PRKN: variants seen among roughly 807,000 people sequenced by gnomAD.
The protein encoded by PRKN is E3 ubiquitin-protein ligase parkin.
In PRKN, 56 loss-of-function variants were observed where a neutral mutation model predicts 59.5. The observed-to-expected ratio is 0.94, with a 90% CI of 0.76 to 1.18. The LOEUF is 1.18. Ranked by LOEUF, PRKN falls within the 50% of genes most tolerant of loss-of-function variation. The pLI, the probability that PRKN is intolerant of heterozygous loss-of-function variation, is 0.00. For missense variants in PRKN, 657 were observed against 596.4 expected (o/e 1.10, Z -1.06); for synonymous variants, 250 against 222.1 (o/e 1.13, Z -1.12).
intron 7 of PRKN, among the ~76,000 whole-genome samples, chr6:161,655,961 G>T (rs9458329): frequency 0.026 from 3,900 of 149,642 alleles, 194 homozygotes; most frequent in African/African-American, 0.092. Flanking sequence ...TGATTCACGT[G>T]TATGGTATAA....
chr6:162,509,375 A>G (rs879538958), intron 1 of PRKN, among the ~76,000 whole-genome samples: 2 of 152,226 alleles, frequency 1.3e-5, no homozygotes, highest in Non-Finnish European at 2.9e-5. Context: ...GCAATCCAGT[A>G]TATATGACCA....
At chr6:162,712,067 C>G (rs1476642013) in intron 1 of PRKN, among the ~76,000 whole-genome samples, 1 of 152,162 alleles carries the variant, frequency 6.6e-6, no homozygotes, top group South Asian at 2.1e-4. Context: ...TGGTATGAGA[C>G]AAGTTGACTA....
rs532872097 is a variant in PRKN at position 162,217,838 on chromosome 6, A to C, written c.413-16586T>G. Among the ~76,000 whole-genome samples, 279 of 152,310 alleles carry C rather than the reference A, an allele frequency of 1.8e-3. 1 individual carries two copies. Among genetic ancestry groups the C allele is most frequent in the Non-Finnish European group, 2.6e-3 (179 of 68,022 alleles). ...TCCAGCTTGGGGTTGTCTCTCAATAAGTAAGCAATATTCACCTTTCTTCCC... is the reference window on the plus strand; with the variant it reads ...TCCAGCTTGGGGTTGTCTCTCAATACGTAAGCAATATTCACCTTTCTTCCC... On this transcript the variant is annotated intron_variant, in intron 3 of 11. Coordinates refer to ENST00000366898, the MANE Select transcript of PRKN (RefSeq NM_004562.3).
intron 4 of PRKN, among the ~76,000 whole-genome samples, chr6:162,179,596 T>A (rs1189450532): frequency 1.3e-5 from 2 of 151,822 alleles, no homozygotes; most frequent in Non-Finnish European, 2.9e-5. Context: ...GGAAAAGGTC[T>A]AAAAGTCTGT....
chr6:162,619,488 A>G (rs1159815502), intron 1 of PRKN, among the ~76,000 whole-genome samples: 3 of 152,124 alleles, frequency 2.0e-5, no homozygotes, highest in African/African-American at 7.2e-5. Context: ...GCTGGTTTAA[A>G]TGGAAAATAT....
At chr6:162,019,399 C>G (rs1417923866) in intron 5 of PRKN, among the ~76,000 whole-genome samples, 1 of 152,152 alleles carries the variant, frequency 6.6e-6, no homozygotes, top group African/African-American at 2.4e-5. Context: ...TGAAGTGTTT[C>G]CAACTCTGGC....
chr6:162,130,106 A>C (rs1781287943), intron 4 of PRKN, among the ~76,000 whole-genome samples: 1 of 152,102 alleles, frequency 6.6e-6, no homozygotes, highest in South Asian at 2.1e-4. Context: ...TACCAAACGA[A>C]GAATGATCTT....
At chr6:161,676,077 C>G (rs1399202188) in intron 7 of PRKN, among the ~76,000 whole-genome samples, 1 of 152,184 alleles carries the variant, frequency 6.6e-6, no homozygotes. Flanking sequence ...GACTACGATT[C>G]CTAAACAATT....
intron 5 of PRKN, among the ~76,000 whole-genome samples, chr6:162,007,055 G>T (rs80224321): frequency 6.6e-6 from 1 of 151,934 alleles, no homozygotes; most frequent in African/African-American, 2.4e-5. Flanking sequence ...TATACTATCA[G>T]CCAATATCCA....
intron 1 of PRKN, among the ~76,000 whole-genome samples, chr6:162,707,627 T>C (rs1391331116): frequency 6.6e-6 from 1 of 151,610 alleles, no homozygotes; most frequent in Non-Finnish European, 1.5e-5. Context: ...CAGGCTGCAG[T>C]GCAGTGGCAC....
intron 9 of PRKN, among the ~76,000 whole-genome samples, chr6:161,436,874 G>A (rs1402084656): frequency 1.3e-5 from 2 of 151,912 alleles, no homozygotes; most frequent in Non-Finnish European, 2.9e-5. Flanking sequence ...ATTCACTTAG[G>A]GAGACCGGTC....
chr6:161,908,114 A>C (rs985103512), intron 6 of PRKN, among the ~76,000 whole-genome samples: 12 of 152,030 alleles, frequency 7.9e-5, no homozygotes, highest in Admixed American at 2.0e-4. Context: ...AACAACAACA[A>C]AGAACATAAG....
intron 7 of PRKN, among the ~76,000 whole-genome samples, chr6:161,590,722 T>A (rs1474097768): frequency 1.4e-5 from 2 of 143,978 alleles, no homozygotes; most frequent in East Asian, 2.1e-4. Flanking sequence ...GACGACAGAG[T>A]GAGACTCTGT....
At chr6:162,223,369 TG>T (rs1457309576) in intron 3 of PRKN, among the ~76,000 whole-genome samples, 2 of 152,000 alleles carry the variant, frequency 1.3e-5, no homozygotes, top group African/African-American at 4.8e-5. Context: ...GTAGCTAGCA[TG>T]TAATAAAAGC....
chr6:162,723,467 G>A (rs185488111), intron 1 of PRKN, among the ~76,000 whole-genome samples: 1 of 152,280 alleles, frequency 6.6e-6, no homozygotes, highest in East Asian at 1.9e-4. Flanking sequence ...CCTAGGGTGA[G>A]AGAGAGGTGG....
rs373980990 is a variant in PRKN, at chr6:161,419,572, A to G, written c.1084-32695T>C. ...CTGGCTAATTTTTGTATTTTTTTAA[A>G]AAACGGGGTTTCACCATGTTGACCA... On this transcript the variant is annotated intron_variant, in intron 9 of 11. Coordinates refer to ENST00000366898, the MANE Select transcript of PRKN (RefSeq NM_004562.3). This position sits in a 1 kb window ranked among gnomAD's most constrained non-coding sequence, Gnocchi z 4.1. 6.6e-6 allele frequency among the ~76,000 whole-genome samples: 1 copy of G among 151,558 alleles called. No individual in the cohort carries two copies. Among genetic ancestry groups the G allele is most frequent in the East Asian group, 2.0e-4 (1 of 5,070 alleles).
At position 162,262,781 on chromosome 6, in the gene PRKN, G is replaced by GAAAAAA; in HGVS notation, c.172-17_172-16insTTTTTT. On this transcript the variant is annotated splice_polypyrimidine_tract_variant and intron_variant, in intron 2 of 11. Coordinates refer to ENST00000366898, the MANE Select transcript of PRKN (RefSeq NM_004562.3). The stretch of plus-strand genomic sequence containing the variant: ...GGTCACAATTCTGTTTGGGAGCAAG[G>GAAAAAA]TAAAAAAAAAAAAAAAAAAAAAGGA... 7.5e-7 allele frequency: 1 copy of GAAAAAA among 1,326,278 alleles called. No individual in the cohort carries two copies. The highest frequency in any genetic ancestry group is 2.6e-5 in the East Asian group (1 of 38,348). The allele number at this position is 1,326,278 out of a possible 1,614,324, so 82.2% of individuals were successfully genotyped here.
intron 3 of PRKN, among the ~76,000 whole-genome samples, chr6:162,206,498 T>C (rs1784945115): frequency 6.6e-6 from 1 of 152,138 alleles, no homozygotes; most frequent in African/African-American, 2.4e-5. Flanking sequence ...CTTCCCTCTT[T>C]CCTCCTTCTG....
chr6:161,858,695 C>T (rs1464396301), intron 6 of PRKN, among the ~76,000 whole-genome samples: 1 of 151,722 alleles, frequency 6.6e-6, no homozygotes, highest in African/African-American at 2.4e-5. Context: ...CGGTGAGAAT[C>T]CTTCCTCCTT....
Sources: gnomAD v4.1 joint callset for allele counts (sites outside exome capture counted in the v4.1 genomes callset) on GRCh38, gnomAD v4.1.1 for gene constraint, Gnocchi (gnomAD v3.1) non-coding constraint, MANE v1.5 for transcripts, NCBI Gene and HGNC (gene_info 2026-07-23, HGNC 2026-07-21) for gene names.